The following CCDC85A variants were observed in gnomAD, a reference collection of about 807,000 sequenced individuals.
CCDC85A encodes the protein coiled-coil domain containing 85A.
In CCDC85A, 38 loss-of-function variants were observed where a neutral mutation model predicts 50.2. The ratio of observed to expected loss-of-function variants is 0.76; its 90% CI spans 0.58 to 0.99. CCDC85A has a LOEUF of 0.99. CCDC85A is among the 50% of genes least tolerant of loss of function. CCDC85A has a pLI of 0.00. For missense variants in CCDC85A, 820 were observed against 742.0 expected, an observed-to-expected ratio of 1.11 and a Z score of -1.22; for synonymous variants, 366 against 301.4, an observed-to-expected ratio of 1.21 and a Z score of -2.22.
intron 2 of CCDC85A, among the ~76,000 whole-genome samples, chr2:56,304,123 G>C (rs1304917053): frequency 6.6e-6 from 1 of 152,170 alleles, no homozygotes; most frequent in Non-Finnish European, 1.5e-5. Context: ...GAATGAGGCT[G>C]TTGTAAGTGC....
intron 2 of CCDC85A, among the ~76,000 whole-genome samples, chr2:56,310,703 A>C (rs541774331): frequency 6.6e-6 from 1 of 152,184 alleles, no homozygotes; most frequent in Non-Finnish European, 1.5e-5. Context: ...ACATCTAACT[A>C]TAAGGTCTAC....
At chr2:56,264,413 G>T (rs1050975055) in intron 2 of CCDC85A, among the ~76,000 whole-genome samples, 1 of 152,054 alleles carries the variant, frequency 6.6e-6, no homozygotes, top group Non-Finnish European at 1.5e-5. Flanking sequence ...CTAAGACCAG[G>T]ATCCTAGGAG....
At chr2:56,311,877 G>A (rs1263066984) in intron 2 of CCDC85A, among the ~76,000 whole-genome samples, 1 of 152,086 alleles carries the variant, frequency 6.6e-6, no homozygotes, top group Non-Finnish European at 1.5e-5. Context: ...AGCAGCAGCA[G>A]GAGTTACATC....
At chr2:56,316,968 CAG>C (rs1672949469) in intron 2 of CCDC85A, among the ~76,000 whole-genome samples, 1 of 152,018 alleles carries the variant, frequency 6.6e-6, no homozygotes, top group Admixed American at 6.6e-5. Context: ...ATCCCTAAAC[CAG>C]AGTTACGATT....
intron 2 of CCDC85A, among the ~76,000 whole-genome samples, chr2:56,342,196 C>CTT (rs1553414229): frequency 1.4e-4 from 21 of 148,034 alleles, no homozygotes; most frequent in South Asian, 4.3e-4. Context: ...TTCTCTAATA[C>CTT]TTTTTTTTTT....
At chr2:56,265,023 C>G (rs1458954368) in intron 2 of CCDC85A, among the ~76,000 whole-genome samples, 1 of 152,202 alleles carries the variant, frequency 6.6e-6, no homozygotes, top group Admixed American at 6.5e-5. Context: ...GCCCCCACCC[C>G]TCCAGGTTAC....
intron 2 of CCDC85A, among the ~76,000 whole-genome samples, chr2:56,263,770 A>T (rs1670318334): frequency 1.3e-5 from 2 of 152,226 alleles, no homozygotes; most frequent in South Asian, 4.1e-4. Context: ...AGGATAATTT[A>T]TGCAGGATTC....
chr2:56,320,392 G>A (rs1261020130), intron 2 of CCDC85A, among the ~76,000 whole-genome samples: 2 of 151,966 alleles, frequency 1.3e-5, no homozygotes. Flanking sequence ...TAGACCACTA[G>A]CAAGACTAAT....
At chr2:56,239,649 AG>A (rs145843893) in intron 2 of CCDC85A, among the ~76,000 whole-genome samples, 1 of 152,230 alleles carries the variant, frequency 6.6e-6, no homozygotes, top group African/African-American at 2.4e-5. Flanking sequence ...TGCTTTGCTA[AG>A]GGGGTTCATC....
intron 3 of CCDC85A, among the ~76,000 whole-genome samples, chr2:56,360,301 A>T (rs1040597873): frequency 2.6e-5 from 4 of 152,176 alleles, no homozygotes; most frequent in Admixed American, 6.5e-5. Context: ...CACAGCTACC[A>T]CGTGAAGCTA....
At chr2:56,358,300 G>T (rs966379982) in intron 3 of CCDC85A, among the ~76,000 whole-genome samples, 4 of 152,154 alleles carry the variant, frequency 2.6e-5, no homozygotes, top group Non-Finnish European at 5.9e-5. Context: ...GTTTTATCCA[G>T]TTGGGAAGGT....
chr2:56,375,294 T>C (rs940337638), intron 4 of CCDC85A, among the ~76,000 whole-genome samples: 1 of 152,244 alleles, frequency 6.6e-6, no homozygotes, highest in African/African-American at 2.4e-5. Flanking sequence ...GCAGAAAAGA[T>C]CAATTTTCAG....
At chr2:56,268,464 G>A (rs1452656811) in intron 2 of CCDC85A, among the ~76,000 whole-genome samples, 3 of 151,778 alleles carry the variant, frequency 2.0e-5, no homozygotes, top group East Asian at 1.9e-4. Flanking sequence ...GAGTGGTGGC[G>A]GACGCCTGTA....
intron 1 of CCDC85A, among the ~76,000 whole-genome samples, chr2:56,191,447 C>G (rs1676291727): frequency 6.6e-6 from 1 of 152,192 alleles, no homozygotes; most frequent in African/African-American, 2.4e-5. Flanking sequence ...TAGGCAGAAT[C>G]AATGTACCTG....
At chr2:56,209,172 C>T (rs1471011331) in intron 2 of CCDC85A, among the ~76,000 whole-genome samples, 1 of 152,106 alleles carries the variant, frequency 6.6e-6, no homozygotes, top group Non-Finnish European at 1.5e-5. Flanking sequence ...TGTATCATAG[C>T]TCACTAGTAC....
intron 2 of CCDC85A, among the ~76,000 whole-genome samples, chr2:56,316,115 A>T (rs1335894637): frequency 6.6e-6 from 1 of 150,414 alleles, no homozygotes; most frequent in Non-Finnish European, 1.5e-5. Flanking sequence ...ATATTTGTCA[A>T]AATAACTTAA....
At chr2:56,356,906 A>G (rs1191920286) in intron 3 of CCDC85A, among the ~76,000 whole-genome samples, 1 of 151,200 alleles carries the variant, frequency 6.6e-6, no homozygotes, top group Non-Finnish European at 1.5e-5. Flanking sequence ...CATCTCTACT[A>G]AAAAAACCAA....
chr2:56,335,484 A>T (rs955989149), intron 2 of CCDC85A, among the ~76,000 whole-genome samples: 1 of 152,170 alleles, frequency 6.6e-6, no homozygotes, highest in Non-Finnish European at 1.5e-5. Flanking sequence ...ACAGAAATTT[A>T]TTAGCTCACA....
rs1161505203 is a variant in CCDC85A at position 56,319,128 on chromosome 2, AG to A, written c.1241-23749del. ...CTGTAGTTAGCACTAGAATGGAAGC[AG>A]GTAATAATAAATAGCTAGAAGGAGC... On this transcript the variant is annotated intron_variant, in intron 2 of 5. Coordinates refer to ENST00000407595, the MANE Select transcript of CCDC85A (RefSeq NM_001080433.2). Among the ~76,000 whole-genome samples the A allele has an allele frequency of 2.0e-5, 3 of 152,278 alleles. No individual in the cohort carries two copies. The East Asian group carries it at 5.8e-4, about 29-fold the overall frequency.
Sources: gnomAD v4.1 joint callset for allele counts (sites outside exome capture counted in the v4.1 genomes callset) on GRCh38, gnomAD v4.1.1 for gene constraint, MANE v1.5 for transcripts, NCBI Gene and HGNC (gene_info 2026-07-23, HGNC 2026-07-21) for gene names.